Variants in PCDH9 observed in about 807,000 individuals in gnomAD.
PCDH9 encodes protocadherin 9.
In PCDH9, 24 loss-of-function variants were observed where a neutral mutation model predicts 70.6. The ratio of observed to expected loss-of-function variants is 0.34; its 90% CI spans 0.25 to 0.48. PCDH9 has a LOEUF of 0.48. PCDH9 is among the 20% of genes least tolerant of loss of function. The pLI is 0.99. For synonymous variants in PCDH9, 562 were observed against 558.5 expected, an observed-to-expected ratio of 1.01 and a Z score of -0.09; for missense variants, 1,281 against 1,503.6, an observed-to-expected ratio of 0.85 and a Z score of 2.45.
At chr13:66,318,882 TG>T (rs1261170748) in intron 4 of PCDH9, among the ~76,000 whole-genome samples, 1 of 152,208 alleles carries the variant, frequency 6.6e-6, no homozygotes, top group African/African-American at 2.4e-5. Context: ...GCATAATAAC[TG>T]GTGGTGACTT....
rs533987732 is a variant in PCDH9 at position 66,378,869 on chromosome 13, G to A, written c.3341-73841C>T. Among the ~76,000 whole-genome samples, 4 of 152,298 alleles carry A rather than the reference G, an allele frequency of 2.6e-5. No individual in the cohort carries two copies. The East Asian group carries it at 7.7e-4, about 29-fold the overall frequency. On this transcript the variant is annotated intron_variant, in intron 4 of 4. Coordinates refer to ENST00000377865, the MANE Select transcript of PCDH9 (RefSeq NM_203487.3). ...ACATCTAGCAAATAAGGAAAAGAGT[G>A]TAGGTCATTCAATTCTGTGAACCTG...
chr13:66,818,276 A>G (rs542040015), intron 3 of PCDH9, among the ~76,000 whole-genome samples: 1 of 152,336 alleles, frequency 6.6e-6, no homozygotes, highest in African/African-American at 2.4e-5. Context: ...AAAAAATAAG[A>G]AGGACTAAAA....
intron 4 of PCDH9, among the ~76,000 whole-genome samples, chr13:66,462,055 T>C (rs565899971): frequency 1.3e-5 from 2 of 151,886 alleles, no homozygotes; most frequent in South Asian, 4.1e-4. Context: ...GTTTAATAAC[T>C]ACAAACACTG....
In PCDH9 at chr13:66,934,559, A is replaced by AAAAAG. The variant is rs66474138; in HGVS notation, c.3037-30959_3037-30955dup. ...TCAGTCCCAAAAAAAAAAAAAAAAG[A>AAAAAG]AAAAGAAAAATACAAAAACTCCTTG... On this transcript the variant is annotated intron_variant, in intron 2 of 4. Coordinates refer to ENST00000377865, the MANE Select transcript of PCDH9 (RefSeq NM_203487.3). Among the ~76,000 whole-genome samples, 510 of 99,556 alleles carry AAAAAG rather than the reference A, an allele frequency of 5.1e-3. 2 individuals carry two copies. The highest frequency in any genetic ancestry group is 8.4e-3 in the Non-Finnish European group (359 of 42,546). 65.3% of individuals were successfully genotyped at this position (99,556 alleles called of 152,430 possible). A position where few individuals can be genotyped will look rare whatever the true frequency, so the allele number is the denominator to read the frequency against.
chr13:66,779,540 T>C (rs1187953948), intron 3 of PCDH9, among the ~76,000 whole-genome samples: 1 of 152,104 alleles, frequency 6.6e-6, no homozygotes, highest in African/African-American at 2.4e-5. Context: ...ATGTCCAATA[T>C]GGCTGGGCGC....
chr13:66,444,401 T>C (rs745454510), intron 4 of PCDH9, among the ~76,000 whole-genome samples: 1 of 152,130 alleles, frequency 6.6e-6, no homozygotes, highest in African/African-American at 2.4e-5. Context: ...AACTTTTACA[T>C]AGTGTAGCTC....
chr13:66,383,451 C>G (rs1366756376), intron 4 of PCDH9, among the ~76,000 whole-genome samples: 1 of 152,150 alleles, frequency 6.6e-6, no homozygotes, highest in African/African-American at 2.4e-5. Context: ...TAGTGCTCAT[C>G]AAAGTCAACT....
Position 66,814,536 on chromosome 13 carries a change from C to G in PCDH9, c.3138+88968G>C, listed in dbSNP as rs372804161. On this transcript the variant is annotated intron_variant, in intron 3 of 4. Transcript: ENST00000377865. ...ATAATAATAGAAGCCTTTTATTCAC[C>G]CATACCTGGAACAATCTTGGTTTGA... is the stretch of plus-strand genomic sequence containing the variant. 5.3e-5 allele frequency among the ~76,000 whole-genome samples: 8 copies of G among 152,054 alleles called. 1 individual carries two copies. The highest frequency in any genetic ancestry group is 1.9e-4 in the African/African-American group (8 of 41,476).
intron 4 of PCDH9, among the ~76,000 whole-genome samples, chr13:66,451,840 A>C (rs533593295): frequency 2.6e-5 from 4 of 152,366 alleles, no homozygotes; most frequent in Non-Finnish European, 5.9e-5. Flanking sequence ...CTTTTTCACT[A>C]GACTGTTTAG....
intron 3 of PCDH9, among the ~76,000 whole-genome samples, chr13:66,766,935 G>A (rs1232796822): frequency 6.6e-6 from 1 of 151,928 alleles, no homozygotes; most frequent in African/African-American, 2.4e-5. Flanking sequence ...ATCTAACGTC[G>A]TTGTCACTTG....
chr13:66,437,903 G>A (rs1457164103), intron 4 of PCDH9, among the ~76,000 whole-genome samples: 1 of 152,140 alleles, frequency 6.6e-6, no homozygotes, highest in East Asian at 1.9e-4. Context: ...GTTGTTTCGT[G>A]ATCTGGGTGC....
chr13:67,090,378 T>C (rs2086193936), intron 2 of PCDH9, among the ~76,000 whole-genome samples: 1 of 152,032 alleles, frequency 6.6e-6, no homozygotes, highest in Non-Finnish European at 1.5e-5. Flanking sequence ...TGGATACTAG[T>C]GTAAAATTTT....
intron 4 of PCDH9, among the ~76,000 whole-genome samples, chr13:66,409,621 C>T (rs1427900557): frequency 6.6e-6 from 1 of 152,198 alleles, no homozygotes; most frequent in African/African-American, 2.4e-5. Flanking sequence ...CTCCAACATA[C>T]TCATCCCCAA....
At chr13:66,972,956 G>A (rs572937230) in intron 2 of PCDH9, among the ~76,000 whole-genome samples, 23 of 151,844 alleles carry the variant, frequency 1.5e-4, no homozygotes, top group Non-Finnish European at 2.4e-4. Flanking sequence ...AAATTCATCC[G>A]GTATCAGATA....
intron 2 of PCDH9, among the ~76,000 whole-genome samples, chr13:66,972,088 T>G (rs976603099): frequency 6.6e-6 from 1 of 151,950 alleles, no homozygotes; most frequent in Non-Finnish European, 1.5e-5. Context: ...CATCTGAATC[T>G]TACATATACT....
intron 4 of PCDH9, among the ~76,000 whole-genome samples, chr13:66,420,164 C>T (rs944724902): frequency 3.3e-5 from 5 of 152,192 alleles, no homozygotes; most frequent in African/African-American, 1.2e-4. Flanking sequence ...AGAAAGGCAG[C>T]AGCCCCAGTC....
chr13:67,155,543 G>T (rs2087787558), intron 2 of PCDH9, among the ~76,000 whole-genome samples: 1 of 152,240 alleles, frequency 6.6e-6, no homozygotes, highest in South Asian at 2.1e-4. Context: ...TAACAAGGGA[G>T]CATATGTTAG....
chr13:66,855,615 T>C (rs1362997119), intron 3 of PCDH9, among the ~76,000 whole-genome samples: 1 of 152,010 alleles, frequency 6.6e-6, no homozygotes, highest in Non-Finnish European at 1.5e-5. Context: ...TTAAAGAATA[T>C]ATATATATAG....
chr13:66,749,639 A>T (rs553965123), intron 3 of PCDH9, among the ~76,000 whole-genome samples: 1 of 152,294 alleles, frequency 6.6e-6, no homozygotes, highest in South Asian at 2.1e-4. Flanking sequence ...ATTTAGAAAA[A>T]GTCTCTAACA....
Sources: gnomAD v4.1 joint callset for allele counts (sites outside exome capture counted in the v4.1 genomes callset) on GRCh38, gnomAD v4.1.1 for gene constraint, MANE v1.5 for transcripts, NCBI Gene and HGNC (gene_info 2026-07-23, HGNC 2026-07-21) for gene names.